Variants in C2orf76 observed in about 807,000 individuals in gnomAD.
C2orf76 encodes UPF0538 protein C2orf76.
C2orf76 carries 23 observed loss-of-function variants against 16.9 expected under a neutral mutation model. That is an observed-to-expected ratio of 1.36 (90% CI 0.98 to 1.93). The LOEUF is 1.93. Among genes scored for constraint, C2orf76 ranks in the 30% most tolerant of loss-of-function variants. The pLI, the probability that C2orf76 is intolerant of heterozygous loss-of-function variation, is 0.00. For missense variants in C2orf76, 152 were observed against 152.6 expected (o/e 1.00, Z 0.02); for synonymous variants, 48 against 52.3 (o/e 0.92, Z 0.35).
upstream of C2orf76, chr2:119,366,887 C>T (rs540749375): frequency 1.1e-6 from 1 of 911,124 alleles, no homozygotes; most frequent in Admixed American, 2.4e-5. Context: ...CTGGGCACGC[C>T]CCTAGCGCAT....
intron 4 of C2orf76, among the ~76,000 whole-genome samples, chr2:119,312,294 C>G (rs1358287811): frequency 6.6e-6 from 1 of 152,186 alleles, no homozygotes; most frequent in Non-Finnish European, 1.5e-5. Context: ...GTCACCTAGG[C>G]TGGAGTGCAG....
intron 2 of C2orf76, among the ~76,000 whole-genome samples, chr2:119,324,947 A>G (rs1679460434): frequency 6.6e-6 from 1 of 152,220 alleles, no homozygotes; most frequent in South Asian, 2.1e-4. Context: ...GAACATTCAC[A>G]TGGAGGAAAT....
At chr2:119,366,836 G>A (rs1558803577), upstream of C2orf76, 3 of 622,418 alleles carry the variant, frequency 4.8e-6, no homozygotes, top group East Asian at 8.9e-5. Context: ...TGCGCAAGCG[G>A]TCCCACGTGG....
At chr2:119,343,654 C>A (rs538706675) in intron 1 of C2orf76, among the ~76,000 whole-genome samples, 1 of 152,170 alleles carries the variant, frequency 6.6e-6, no homozygotes, top group South Asian at 2.1e-4. Context: ...CCATGTTAGC[C>A]GGGCGTGGTG....
the C2orf76 span, among the ~76,000 whole-genome samples, chr2:119,286,159 G>A: frequency 6.8e-6 from 1 of 147,890 alleles, no homozygotes; most frequent in Non-Finnish European, 1.5e-5. Flanking sequence ...CCAGGAGGCA[G>A]AGGCTGCAGT....
upstream of C2orf76, chr2:119,366,951 G>T: frequency 6.8e-7 from 1 of 1,481,020 alleles, no homozygotes; most frequent in Non-Finnish European, 9.4e-7. Context: ...TGGGGCGAGT[G>T]GACCGCGCCT....
chr2:119,285,724 T>A, the C2orf76 span, among the ~76,000 whole-genome samples: 1 of 152,232 alleles, frequency 6.6e-6, no homozygotes, highest in Admixed American at 6.5e-5. Flanking sequence ...ATTGCTGGTA[T>A]CTGAATTTCT....
chr2:119,367,138 C>T (rs749559520), upstream of C2orf76: 10 of 1,593,934 alleles, frequency 6.3e-6, no homozygotes, highest in Non-Finnish European at 8.5e-6. Context: ...CTGCCAGAAG[C>T]TCTCGGGCTC....
At chr2:119,364,039 G>GAGAGACAGACAGACAGAC (rs113457627) in intron 1 of C2orf76, among the ~76,000 whole-genome samples, 22 of 147,680 alleles carry the variant, frequency 1.5e-4, no homozygotes, top group South Asian at 6.6e-4. Context: ...GAGAGAGAGA[G>GAGAGACAGACAGACAGAC]AGACAGACAG....
chr2:119,342,525 T>C (rs1284643011), intron 1 of C2orf76, among the ~76,000 whole-genome samples: 1 of 151,662 alleles, frequency 6.6e-6, no homozygotes, highest in African/African-American at 2.4e-5. Flanking sequence ...GGCAGGAGTA[T>C]CACTTGAACC....
At chr2:119,317,338 C>A in intron 4 of C2orf76, 128 bp downstream of exon 4, 1 of 565,474 alleles carries the variant, frequency 1.8e-6, no homozygotes, top group South Asian at 5.5e-5. Context: ...AAAAAGGGTA[C>A]CTACAAAATA....
intron 1 of C2orf76, among the ~76,000 whole-genome samples, chr2:119,346,580 A>G (rs1274958502): frequency 1.3e-5 from 2 of 152,228 alleles, no homozygotes; most frequent in Non-Finnish European, 2.9e-5. Context: ...TGTCATTCTT[A>G]TGATGACAAA....
At chr2:119,281,901 ACTG>A in the C2orf76 span, among the ~76,000 whole-genome samples, 1 of 152,180 alleles carries the variant, frequency 6.6e-6, no homozygotes, top group African/African-American at 2.4e-5. Context: ...TAACTGTCTT[ACTG>A]CGCTACCCAC....
intron 1 of C2orf76, among the ~76,000 whole-genome samples, chr2:119,354,044 C>T (rs1680488817): frequency 6.6e-6 from 1 of 152,132 alleles, no homozygotes; most frequent in South Asian, 2.1e-4. Flanking sequence ...GAGATAAATG[C>T]ATGAGGCAAT....
the C2orf76 span, among the ~76,000 whole-genome samples, chr2:119,295,782 C>A: frequency 6.6e-6 from 1 of 152,142 alleles, no homozygotes; most frequent in African/African-American, 2.4e-5. Context: ...TGGATTTTCT[C>A]CATCTTAAAA....
intron 2 of C2orf76, among the ~76,000 whole-genome samples, chr2:119,328,118 C>T (rs1049170241): frequency 3.9e-5 from 6 of 152,022 alleles, no homozygotes; most frequent in Non-Finnish European, 7.4e-5. Context: ...GCCTCAGCCT[C>T]CTATATAGCT....
At chr2:119,297,252 A>T (rs1678555177), downstream of C2orf76, among the ~76,000 whole-genome samples, 1 of 152,208 alleles carries the variant, frequency 6.6e-6, no homozygotes, top group African/African-American at 2.4e-5. Flanking sequence ...GTGTGGATTA[A>T]ATGAGATAAT....
At chr2:119,366,951 G>A, upstream of C2orf76, 1 of 1,481,022 alleles carries the variant, frequency 6.8e-7, no homozygotes, top group South Asian at 1.2e-5. Flanking sequence ...TGGGGCGAGT[G>A]GACCGCGCCT....
chr2:119,289,192 G>A, the C2orf76 span, among the ~76,000 whole-genome samples: 9 of 152,092 alleles, frequency 5.9e-5, no homozygotes, highest in South Asian at 1.1e-3. Flanking sequence ...TAGCAAACAC[G>A]GGGGCCTTAA....
Sources: allele counts gnomAD v4.1 joint callset (sites outside exome capture counted in the v4.1 genomes callset), GRCh38; gene constraint gnomAD v4.1.1; transcripts MANE v1.5; gene names NCBI Gene and HGNC (gene_info 2026-07-23, HGNC 2026-07-21).